The following CDK14 variants were observed in gnomAD, a reference collection of about 807,000 sequenced individuals.
CDK14 encodes the protein cyclin-dependent kinase 14.
A neutral mutation model predicts 60.7 loss-of-function variants in CDK14; 34 were observed. That is an observed-to-expected ratio of 0.56 (90% confidence interval 0.43 to 0.75). CDK14 has a LOEUF of 0.75. CDK14 is among the 30% of genes least tolerant of loss of function. The pLI, the probability that CDK14 is intolerant of heterozygous loss-of-function variation, is 0.00. For missense variants in CDK14, 482 were observed against 564.1 expected, an observed-to-expected ratio of 0.85 and a Z score of 1.47; for synonymous variants, 197 against 203.7, an observed-to-expected ratio of 0.97 and a Z score of 0.28.
chr7:91,139,053 A>G (rs1056587356), intron 14 of CDK14, among the ~76,000 whole-genome samples: 6 of 152,164 alleles, frequency 3.9e-5, no homozygotes, highest in African/African-American at 1.2e-4. Context: ...TCCTTCTTAG[A>G]CAAGTGAATC....
intron 2 of CDK14, among the ~76,000 whole-genome samples, chr7:90,653,659 C>G (rs993462766): frequency 4.6e-5 from 7 of 152,010 alleles, no homozygotes; most frequent in African/African-American, 1.7e-4. Flanking sequence ...TGCAGAAATT[C>G]TTTTATTTAT....
chr7:91,107,027 C>T (rs968840318), intron 12 of CDK14, among the ~76,000 whole-genome samples: 2 of 152,202 alleles, frequency 1.3e-5, no homozygotes, highest in African/African-American at 4.8e-5. Flanking sequence ...ATCAGGAAAG[C>T]ATTTTACAAG....
At chr7:91,030,525 C>T (rs1010724887) in intron 10 of CDK14, among the ~76,000 whole-genome samples, 2 of 152,132 alleles carry the variant, frequency 1.3e-5, no homozygotes, top group African/African-American at 4.8e-5. Context: ...GTATTCTCCA[C>T]CTCTTCCAAG....
chr7:91,005,332 C>T (rs919933880), intron 10 of CDK14, among the ~76,000 whole-genome samples: 15 of 152,232 alleles, frequency 9.9e-5, no homozygotes, highest in African/African-American at 3.6e-4. Context: ...GATCCTTCCT[C>T]GTTCAGGGTC....
intron 11 of CDK14, among the ~76,000 whole-genome samples, chr7:91,069,447 G>A (rs1306954982): frequency 1.3e-5 from 2 of 151,996 alleles, no homozygotes; most frequent in Non-Finnish European, 2.9e-5. Flanking sequence ...AGGCTGAGGT[G>A]GAAGGATCCC....
intron 14 of CDK14, among the ~76,000 whole-genome samples, chr7:91,122,801 T>C (rs1019613695): frequency 2.0e-5 from 3 of 152,200 alleles, no homozygotes; most frequent in Non-Finnish European, 4.4e-5. Context: ...CTCTGATTGA[T>C]GTAGCCATCA....
chr7:90,813,340 G>T (rs1789213952), intron 5 of CDK14, among the ~76,000 whole-genome samples: 1 of 151,942 alleles, frequency 6.6e-6, no homozygotes. Context: ...GTTCTGGATT[G>T]TGCTTATAGT....
At chr7:90,774,893 A>G (rs972656020) in intron 4 of CDK14, among the ~76,000 whole-genome samples, 3 of 152,328 alleles carry the variant, frequency 2.0e-5, no homozygotes, top group Non-Finnish European at 4.4e-5. Flanking sequence ...ACTTAATTTC[A>G]TATGACTATT....
chr7:90,943,303 A>G lies in CDK14; in HGVS notation c.827-12394A>G, dbSNP rs1256776704. On this transcript the variant is annotated intron_variant, in intron 8 of 14. Coordinates refer to ENST00000380050, the MANE Select transcript of CDK14 (RefSeq NM_001287135.2). The stretch of plus-strand genomic sequence containing the variant: ...TAAAAAATTGAGACAATCATAAGAA[A>G]TGATCCTTGCTCTTAGGGAGTATAT... Among the ~76,000 whole-genome samples, 9 of 152,324 alleles carry G rather than the reference A, an allele frequency of 5.9e-5. No homozygotes were observed. In the East Asian group the frequency reaches 1.7e-3, roughly 29 times the overall value.
rs940765219 is a variant in CDK14 at position 91,210,451 on chromosome 7, A to G, written c.*3315A>G. 5 of 152,546 alleles carry G rather than the reference A, an allele frequency of 3.3e-5. No individual in the cohort carries two copies. The highest frequency in any genetic ancestry group is 5.9e-5 in the Non-Finnish European group (4 of 68,038). The allele number at this position is 152,546 out of a possible 1,614,324, so 9.4% of individuals were successfully genotyped here. On this transcript the variant is annotated 3_prime_UTR_variant, in exon 15 of 15. Transcript: ENST00000380050. The stretch of plus-strand genomic sequence containing the variant: ...ATTATACTTTCAAATGACACATAGT[A>G]AGGAGAATGGAATAATACATGTTGC...
chr7:90,981,340 A>G (rs1473229806), intron 9 of CDK14, among the ~76,000 whole-genome samples: 1 of 152,226 alleles, frequency 6.6e-6, no homozygotes, highest in Non-Finnish European at 1.5e-5. Flanking sequence ...AATGAAAACA[A>G]CTTGTGTAAA....
chr7:91,185,525 A>G (rs1802150208), intron 14 of CDK14, among the ~76,000 whole-genome samples: 1 of 151,966 alleles, frequency 6.6e-6, no homozygotes, highest in Admixed American at 6.5e-5. Flanking sequence ...ATAATGATTT[A>G]TCTATATACC....
At chr7:91,135,361 A>T (rs1800248296) in intron 14 of CDK14, among the ~76,000 whole-genome samples, 1 of 152,200 alleles carries the variant, frequency 6.6e-6, no homozygotes, top group Admixed American at 6.5e-5. Flanking sequence ...GTTAATTACA[A>T]GTAAATGAGC....
chr7:91,165,994 C>G (rs1346014745), intron 14 of CDK14, among the ~76,000 whole-genome samples: 1 of 152,192 alleles, frequency 6.6e-6, no homozygotes, highest in Non-Finnish European at 1.5e-5. Flanking sequence ...TGTGAGAGAA[C>G]AGTTTTCAGT....
chr7:90,804,707 G>T (rs568592634), intron 5 of CDK14, among the ~76,000 whole-genome samples: 1 of 152,120 alleles, frequency 6.6e-6, no homozygotes, highest in South Asian at 2.1e-4. Flanking sequence ...AAAGGATAAA[G>T]TTTGTTTTTT....
chr7:90,890,820 C>T (rs1792097321), intron 6 of CDK14, among the ~76,000 whole-genome samples: 2 of 152,202 alleles, frequency 1.3e-5, no homozygotes, highest in African/African-American at 4.8e-5. Context: ...AAGTTTTCTT[C>T]AGTTGCCTCT....
chr7:91,004,734 A>T (rs560305348), intron 10 of CDK14, among the ~76,000 whole-genome samples: 17 of 152,298 alleles, frequency 1.1e-4, no homozygotes, highest in African/African-American at 4.1e-4. Context: ...AATAGCACTG[A>T]GGCCCAATTT....
At chr7:90,877,759 G>A (rs1791610300) in intron 6 of CDK14, among the ~76,000 whole-genome samples, 1 of 152,032 alleles carries the variant, frequency 6.6e-6, no homozygotes. Flanking sequence ...AAGCAATATG[G>A]GGAGAATATG....
rs762142165 is a variant in CDK14, at chr7:90,709,496, A to G, written c.124-17071A>G. On this transcript the variant is annotated intron_variant, in intron 2 of 14. Transcript: ENST00000380050. Reference sequence around the variant, plus strand: ...TGAAGCAGCCCTGCATTGCAAATCAATATCTTTCTGAAAAGACAGTGTGTT... The same window carrying G: ...TGAAGCAGCCCTGCATTGCAAATCAGTATCTTTCTGAAAAGACAGTGTGTT... The G allele has an allele frequency of 2.1e-5, 33 of 1,607,778 alleles. No homozygotes were observed. The Admixed American group carries it at 2.5e-4, about 12-fold the overall frequency.
Sources: gnomAD v4.1 joint callset for allele counts (sites outside exome capture counted in the v4.1 genomes callset) on GRCh38, gnomAD v4.1.1 for gene constraint, MANE v1.5 for transcripts, NCBI Gene and HGNC (gene_info 2026-07-23, HGNC 2026-07-21) for gene names.